ADCY2: variants seen among roughly 807,000 people sequenced by gnomAD.
ADCY2 encodes the protein adenylate cyclase type 2.
In ADCY2, 31 loss-of-function variants were observed where a neutral mutation model predicts 125.2. That is an observed-to-expected ratio of 0.25 (90% CI 0.19 to 0.33). The LOEUF is 0.33. ADCY2 is among the 10% of genes least tolerant of loss of function. ADCY2 has a pLI of 1.00. For synonymous variants in ADCY2, 512 were observed against 548.4 expected (o/e 0.93, Z 0.93); for missense variants, 904 against 1,418.2 (o/e 0.64, Z 5.82).
chr5:7,638,908 G>A (rs1043678277), intron 4 of ADCY2, among the ~76,000 whole-genome samples: 1 of 152,038 alleles, frequency 6.6e-6, no homozygotes, highest in African/African-American at 2.4e-5. Context: ...CATGGGGGTG[G>A]GTCTTTCCCA....
intron 3 of ADCY2, among the ~76,000 whole-genome samples, chr5:7,583,931 A>G (rs1736528273): frequency 6.6e-6 from 1 of 152,156 alleles, no homozygotes; most frequent in African/African-American, 2.4e-5. Flanking sequence ...TGCAACATAG[A>G]TAAGTCACGA....
intron 3 of ADCY2, among the ~76,000 whole-genome samples, chr5:7,541,938 A>G (rs1037523155): frequency 3.9e-5 from 6 of 152,246 alleles, no homozygotes; most frequent in African/African-American, 1.4e-4. Context: ...GATGGATAAT[A>G]ATGAGTGGGT....
In ADCY2 at chr5:7,523,332, AG is replaced by A. The variant is rs1482861037; in HGVS notation, c.570+2434del. 2.1e-3 allele frequency among the ~76,000 whole-genome samples: 316 copies of A among 150,052 alleles called. 1 individual carries two copies. Among genetic ancestry groups the A allele is most frequent in the East Asian group, 7.1e-3 (37 of 5,178 alleles). ...TGCATTGGTAAAAAAAAAAAAAAAA[AG>A]TGGGAAAGATGGAATCTTAAATTTT... On this transcript the variant is annotated intron_variant, in intron 3 of 24. Coordinates refer to ENST00000338316, the MANE Select transcript of ADCY2 (RefSeq NM_020546.3).
intron 4 of ADCY2, among the ~76,000 whole-genome samples, chr5:7,684,775 CTT>C (rs10662818): frequency 0.17 from 24,058 of 141,368 alleles, 2,230 homozygotes; most frequent in Admixed American, 0.33. Flanking sequence ...TCTGTTGTGC[CTT>C]TTTTTTTTTT....
At position 7,400,705 on chromosome 5, in the gene ADCY2, A is replaced by G. The variant is rs145920776; in HGVS notation, c.210+4199A>G. On this transcript the variant is annotated intron_variant, in intron 1 of 24. Coordinates refer to ENST00000338316, the MANE Select transcript of ADCY2 (RefSeq NM_020546.3). The stretch of plus-strand genomic sequence containing the variant: ...GTGGAAGGGAATAGAGCATGTTCTC[A>G]GGTATTGCAGTAAAGGTAACTAAAG... Among the ~76,000 whole-genome samples the G allele has an allele frequency of 1.5e-3, 233 of 152,350 alleles. No homozygotes were observed. In the Middle Eastern group the frequency reaches 0.02, roughly 13 times the overall value.
At chr5:7,577,328 G>A (rs968696476) in intron 3 of ADCY2, among the ~76,000 whole-genome samples, 3 of 152,198 alleles carry the variant, frequency 2.0e-5, no homozygotes, top group Non-Finnish European at 1.5e-5. Context: ...GCATGAAGCT[G>A]TTCTGTGGTC....
intron 2 of ADCY2, among the ~76,000 whole-genome samples, chr5:7,520,091 C>G (rs1274417669): frequency 1.3e-5 from 2 of 152,072 alleles, no homozygotes; most frequent in Non-Finnish European, 2.9e-5. Context: ...GGGTTGTTTG[C>G]TAGGAAAATG....
Position 7,404,567 on chromosome 5 carries a change from G to A in ADCY2, c.210+8061G>A, listed in dbSNP as rs115750810. ...TCTTTCCTAATTGTTGCACCAAGGA[G>A]GAAAAGCTTGCTTCCATGTCTAACT... On this transcript the variant is annotated intron_variant, in intron 1 of 24. Transcript: ENST00000338316. 2.5e-3 allele frequency among the ~76,000 whole-genome samples: 380 copies of A among 152,294 alleles called. 1 individual carries two copies. Among genetic ancestry groups the A allele is most frequent in the African/African-American group, 8.7e-3 (362 of 41,562 alleles).
chr5:7,767,001 T>C (rs189065537), intron 17 of ADCY2, among the ~76,000 whole-genome samples, 195 bp downstream of exon 17: 1 of 152,214 alleles, frequency 6.6e-6, no homozygotes, highest in East Asian at 1.9e-4. Context: ...TACACTTATA[T>C]CTGAAAACTT....
chr5:7,716,704 C>T (rs1172108710), intron 11 of ADCY2, among the ~76,000 whole-genome samples: 1 of 152,244 alleles, frequency 6.6e-6, no homozygotes, highest in Admixed American at 6.5e-5. Flanking sequence ...CTTACTGACA[C>T]AGAAAGACAA....
chr5:7,626,867 A>G (rs1738148206), intron 4 of ADCY2, among the ~76,000 whole-genome samples: 2 of 152,174 alleles, frequency 1.3e-5, no homozygotes, highest in African/African-American at 2.4e-5. Flanking sequence ...GGAGAGGACA[A>G]GCATCTAAAC....
At chr5:7,655,749 C>T (rs1175996267) in intron 4 of ADCY2, among the ~76,000 whole-genome samples, 2 of 152,152 alleles carry the variant, frequency 1.3e-5, no homozygotes, top group African/African-American at 2.4e-5. Flanking sequence ...GCCCAATTAA[C>T]AGAACTATAA....
At chr5:7,538,349 T>C (rs1189710993) in intron 3 of ADCY2, among the ~76,000 whole-genome samples, 2 of 152,192 alleles carry the variant, frequency 1.3e-5, no homozygotes, top group Non-Finnish European at 2.9e-5. Flanking sequence ...TGTTTACTTA[T>C]CGGTAAAAGA....
intron 2 of ADCY2, among the ~76,000 whole-genome samples, chr5:7,435,271 G>T (rs1674040418): frequency 6.6e-6 from 1 of 152,220 alleles, no homozygotes; most frequent in African/African-American, 2.4e-5. Flanking sequence ...GCCCAGGGAA[G>T]AGAATGAATA....
intron 4 of ADCY2, among the ~76,000 whole-genome samples, chr5:7,646,527 A>C (rs977586761): frequency 4.6e-5 from 7 of 152,160 alleles, no homozygotes; most frequent in African/African-American, 1.7e-4. Context: ...TTCAGTGTGA[A>C]GGAGAAAGGC....
At chr5:7,402,415 T>A (rs1044959172) in intron 1 of ADCY2, among the ~76,000 whole-genome samples, 1 of 152,228 alleles carries the variant, frequency 6.6e-6, no homozygotes, top group Admixed American at 6.5e-5. Context: ...TCAACTGTTT[T>A]TGGCAATGTT....
intron 2 of ADCY2, among the ~76,000 whole-genome samples, chr5:7,467,526 T>A (rs1222630157): frequency 1.3e-5 from 2 of 152,180 alleles, no homozygotes; most frequent in Non-Finnish European, 2.9e-5. Flanking sequence ...TTCTTATGAC[T>A]TTTTTATCCA....
At chr5:7,752,842 A>G (rs190691944) in intron 15 of ADCY2, among the ~76,000 whole-genome samples, 120 of 150,836 alleles carry the variant, frequency 8.0e-4, no homozygotes, top group African/African-American at 2.8e-3. Context: ...CGTTTTTCCT[A>G]CCACACCCCA....
At chr5:7,429,762 G>A (rs1446692198) in intron 2 of ADCY2, among the ~76,000 whole-genome samples, 7 of 152,234 alleles carry the variant, frequency 4.6e-5, no homozygotes, top group African/African-American at 1.7e-4. Context: ...ACCTAAGGCA[G>A]TGCTTAGCAG....
Sources: gnomAD v4.1 joint callset for allele counts (sites outside exome capture counted in the v4.1 genomes callset) on GRCh38, gnomAD v4.1.1 for gene constraint, MANE v1.5 for transcripts, NCBI Gene and HGNC (gene_info 2026-07-23, HGNC 2026-07-21) for gene names.